The following CPQ variants were observed in gnomAD, a reference collection of about 807,000 sequenced individuals.
The protein encoded by CPQ is Ser-Met dipeptidase.
CPQ carries 37 observed loss-of-function variants against 45.7 expected under a neutral mutation model. The observed-to-expected ratio is 0.81, with a 90% CI of 0.62 to 1.07. CPQ has a LOEUF of 1.07. Among genes scored for constraint, CPQ ranks in the 50% least tolerant of loss-of-function variants. CPQ has a pLI of 0.00. For synonymous variants in CPQ, 186 were observed against 205.8 expected (o/e 0.90, Z 0.82); for missense variants, 537 against 572.9 (o/e 0.94, Z 0.64).
chr8:96,722,033 C>T (rs1809770231), intron 1 of CPQ, among the ~76,000 whole-genome samples: 1 of 152,096 alleles, frequency 6.6e-6, no homozygotes, highest in Non-Finnish European at 1.5e-5. Context: ...ACCCTGGTGT[C>T]ATTATTAACA....
intron 3 of CPQ, among the ~76,000 whole-genome samples, chr8:96,856,349 G>GA (rs1348146928): frequency 1.3e-5 from 2 of 152,198 alleles, no homozygotes; most frequent in African/African-American, 2.4e-5. Flanking sequence ...GCTGTTCTGT[G>GA]AAAAAGTCTT....
At chr8:97,049,118 G>C (rs1019262568) in intron 6 of CPQ, among the ~76,000 whole-genome samples, 4 of 152,308 alleles carry the variant, frequency 2.6e-5, no homozygotes, top group African/African-American at 9.6e-5. Flanking sequence ...TGACATGAGT[G>C]AAGTAATAAA....
At position 96,771,900 on chromosome 8, in the gene CPQ, G is replaced by A. The variant is rs560974644; in HGVS notation, c.-34-12964G>A. ...CAGGCATGAGTACCTACTAACTGTC[G>A]GTTCAATACTAGATCCCAGGGGTTC... On this transcript the variant is annotated intron_variant, in intron 1 of 7. Coordinates refer to ENST00000220763, the MANE Select transcript of CPQ (RefSeq NM_016134.4). Among the ~76,000 whole-genome samples, 310 of 151,900 alleles carry A rather than the reference G, an allele frequency of 2.0e-3. 1 individual carries two copies. Among genetic ancestry groups the A allele is most frequent in the Non-Finnish European group, 3.4e-3 (228 of 67,986 alleles).
chr8:97,085,459 AC>A (rs1301533498), intron 7 of CPQ, among the ~76,000 whole-genome samples: 1 of 151,816 alleles, frequency 6.6e-6, no homozygotes, highest in African/African-American at 2.4e-5. Context: ...TCTCTTCCTG[AC>A]CCATAAGCAA....
intron 2 of CPQ, among the ~76,000 whole-genome samples, chr8:96,793,571 G>C (rs1348192655): frequency 1.3e-5 from 2 of 152,168 alleles, no homozygotes; most frequent in Admixed American, 1.3e-4. Context: ...ATATCATTCT[G>C]ACTTGGCCCC....
chr8:97,125,004 CT>C (rs767498311), intron 7 of CPQ, among the ~76,000 whole-genome samples: 8 of 151,986 alleles, frequency 5.3e-5, no homozygotes, highest in African/African-American at 9.7e-5. Flanking sequence ...AACTGATAAA[CT>C]ATCAAGCTGG....
chr8:96,663,006 C>A (rs1205607675), intron 1 of CPQ, among the ~76,000 whole-genome samples: 1 of 152,172 alleles, frequency 6.6e-6, no homozygotes, highest in Admixed American at 6.5e-5. Context: ...AAAACAAAAT[C>A]TCAACGTTAA....
At chr8:97,006,457 T>G (rs1373357025) in intron 5 of CPQ, among the ~76,000 whole-genome samples, 3 of 152,220 alleles carry the variant, frequency 2.0e-5, no homozygotes, top group African/African-American at 4.8e-5. Context: ...GGGGAATTAC[T>G]TAGTATACAA....
chr8:96,736,127 C>T lies in CPQ; in HGVS notation c.-34-48737C>T, dbSNP rs1373042457. Among the ~76,000 whole-genome samples, 3 of 152,288 alleles carry T rather than the reference C, an allele frequency of 2.0e-5. No individual in the cohort carries two copies. The East Asian group carries it at 5.8e-4, about 29-fold the overall frequency. ...ATGCAATTTGCTTGTGCCCCCTGGC[C>T]CTGCCTTTGTCCAATCCTGGAAGTA... On this transcript the variant is annotated intron_variant, in intron 1 of 7. Coordinates refer to ENST00000220763, the MANE Select transcript of CPQ (RefSeq NM_016134.4).
At chr8:97,021,312 C>G (rs1809676736) in intron 5 of CPQ, among the ~76,000 whole-genome samples, 1 of 152,124 alleles carries the variant, frequency 6.6e-6, no homozygotes, top group Admixed American at 6.6e-5. Flanking sequence ...AGAACTGGGA[C>G]AAGACAAGGA....
At chr8:97,046,986 TG>T (rs146692905) in intron 6 of CPQ, among the ~76,000 whole-genome samples, 2,886 of 152,312 alleles carry the variant, frequency 0.019, 97 homozygotes, top group African/African-American at 0.066. Flanking sequence ...TAGAGATTTT[TG>T]TTTTGATAGA....
intron 7 of CPQ, among the ~76,000 whole-genome samples, chr8:97,110,732 G>A (rs1288909757): frequency 6.6e-6 from 1 of 152,032 alleles, no homozygotes; most frequent in African/African-American, 2.4e-5. Context: ...GACTGCAGTT[G>A]TGCCTTCATC....
chr8:97,029,542 A>G, intron 6 of CPQ, 48 bp downstream of exon 6: 1 of 1,496,110 alleles, frequency 6.7e-7, no homozygotes, highest in East Asian at 2.4e-5. Context: ...TGTAATATAC[A>G]AAAATCCCTC....
At chr8:97,094,506 G>A (rs1811179109) in intron 7 of CPQ, among the ~76,000 whole-genome samples, 1 of 152,168 alleles carries the variant, frequency 6.6e-6, no homozygotes, top group South Asian at 2.1e-4. Context: ...TCACCACTGA[G>A]GTTATTCTCC....
At chr8:96,776,702 T>TCA (rs1466145260) in intron 1 of CPQ, among the ~76,000 whole-genome samples, 1 of 152,182 alleles carries the variant, frequency 6.6e-6, no homozygotes, top group Non-Finnish European at 1.5e-5. Context: ...CAGATTTAAG[T>TCA]AGAAAAGAAA....
intron 7 of CPQ, among the ~76,000 whole-genome samples, chr8:97,123,019 T>A (rs1185988327): frequency 5.1e-4 from 9 of 17,488 alleles, no homozygotes; most frequent in Non-Finnish European, 8.0e-4. Context: ...TAAAATAAAA[T>A]AAAATAAATA....
At chr8:96,950,412 T>C (rs1813243874) in intron 4 of CPQ, among the ~76,000 whole-genome samples, 1 of 152,128 alleles carries the variant, frequency 6.6e-6, no homozygotes, top group African/African-American at 2.4e-5. Context: ...TGCCAGGCCT[T>C]GTGAGGAATA....
In CPQ at chr8:96,926,576, C is replaced by CTTCTTCTTCTTCT. The variant is rs1812882233; in HGVS notation, c.850-39358_850-39357insTCTTCTTCTTCTT. Among the ~76,000 whole-genome samples, 420 of 75,014 alleles carry CTTCTTCTTCTTCT rather than the reference C, an allele frequency of 5.6e-3. 9 individuals carry two copies. Among genetic ancestry groups the CTTCTTCTTCTTCT allele is most frequent in the Middle Eastern group, 0.036 (6 of 166 alleles). 49.2% of individuals were successfully genotyped at this position (75,014 alleles called of 152,430 possible). A position where few individuals can be genotyped will look rare whatever the true frequency, so the allele number is the denominator to read the frequency against. Reference sequence around the variant, plus strand: ...CCTCTTCCTCTTCCTCTTCCTCTTCCTCTTCTTCTTCTTCTTCTTCTTCTT... The same window carrying CTTCTTCTTCTTCT: ...CCTCTTCCTCTTCCTCTTCCTCTTCCTTCTTCTTCTTCTTCTTCTTCTTCTTCTTCTTCTTCTT... On this transcript the variant is annotated intron_variant, in intron 4 of 7. Coordinates refer to ENST00000220763, the MANE Select transcript of CPQ (RefSeq NM_016134.4).
At chr8:96,943,719 C>T (rs989854714) in intron 4 of CPQ, among the ~76,000 whole-genome samples, 2 of 152,116 alleles carry the variant, frequency 1.3e-5, no homozygotes, top group Non-Finnish European at 2.9e-5. Context: ...GGGGTCATAA[C>T]ATAACAACTG....
Sources: gnomAD v4.1 joint callset for allele counts (sites outside exome capture counted in the v4.1 genomes callset) on GRCh38, gnomAD v4.1.1 for gene constraint, MANE v1.5 for transcripts, NCBI Gene and HGNC (gene_info 2026-07-23, HGNC 2026-07-21) for gene names.